The following BTG4 variants were observed in gnomAD, a reference collection of about 807,000 sequenced individuals.
BTG4 encodes the protein protein BTG4.
In BTG4, 10 loss-of-function variants were observed where a neutral mutation model predicts 19.3. The ratio of observed to expected loss-of-function variants is 0.52; its 90% CI spans 0.32 to 0.88. The LOEUF is 0.88. Among genes scored for constraint, BTG4 ranks in the 40% least tolerant of loss-of-function variants. BTG4 has a pLI of 0.04. For synonymous variants in BTG4, 91 were observed against 95.7 expected (o/e 0.95, Z 0.29); for missense variants, 238 against 281.9 (o/e 0.84, Z 1.11).
At chr11:111,441,037 C>T in the BTG4 span, among the ~76,000 whole-genome samples, 2 of 152,044 alleles carry the variant, frequency 1.3e-5, no homozygotes, top group African/African-American at 2.4e-5. Flanking sequence ...CTGGGAGTGG[C>T]AGTCATCTGG....
At chr11:111,513,613 T>A, upstream of BTG4, 1 of 411,458 alleles carries the variant, frequency 2.4e-6, no homozygotes, top group Non-Finnish European at 5.1e-6. Context: ...TATTAATTGC[T>A]CAGCCAAAAG....
the BTG4 span, among the ~76,000 whole-genome samples, chr11:111,445,448 C>T: frequency 6.6e-6 from 1 of 152,162 alleles, no homozygotes; most frequent in Non-Finnish European, 1.5e-5. Context: ...TGTCACACAG[C>T]TCAGTTCCAC....
At chr11:111,500,311 G>C (rs1474790092) in intron 1 of BTG4, among the ~76,000 whole-genome samples, 1 of 152,176 alleles carries the variant, frequency 6.6e-6, no homozygotes, top group Non-Finnish European at 1.5e-5. Context: ...CATACGTTAA[G>C]TCTTTAACGC....
chr11:111,408,202 G>A, the BTG4 span, among the ~76,000 whole-genome samples: 4 of 152,354 alleles, frequency 2.6e-5, no homozygotes, highest in South Asian at 6.2e-4. Context: ...GGCCACACTT[G>A]ATGGGGCAGG....
chr11:111,491,062 T>C (rs1345646245), downstream of BTG4, among the ~76,000 whole-genome samples: 1 of 152,198 alleles, frequency 6.6e-6, no homozygotes, highest in African/African-American at 2.4e-5. Context: ...AAACTACCAA[T>C]ACATGCAGCA....
At chr11:111,458,490 G>A in the BTG4 span, among the ~76,000 whole-genome samples, 1 of 152,090 alleles carries the variant, frequency 6.6e-6, no homozygotes, top group African/African-American at 2.4e-5. Flanking sequence ...TTACTTCATG[G>A]CTCATGAAAC....
At chr11:111,415,495 C>T in the BTG4 span, among the ~76,000 whole-genome samples, 6 of 152,296 alleles carry the variant, frequency 3.9e-5, no homozygotes, top group East Asian at 1.2e-3. Flanking sequence ...GTCCCAGAGA[C>T]CAGGCTAGAG....
the BTG4 span, among the ~76,000 whole-genome samples, chr11:111,448,957 G>A: frequency 2.6e-5 from 4 of 151,828 alleles, no homozygotes; most frequent in South Asian, 2.1e-4. Context: ...AATCTGGCTC[G>A]CCTTCTCCAA....
the BTG4 span, chr11:111,396,754 T>C: frequency 6.6e-6 from 1 of 152,258 alleles, no homozygotes; most frequent in Non-Finnish European, 1.5e-5. Context: ...AATTCCTCAC[T>C]TTTTGATAAT....
chr11:111,423,129 A>G, the BTG4 span, among the ~76,000 whole-genome samples: 3 of 151,998 alleles, frequency 2.0e-5, no homozygotes, highest in Non-Finnish European at 2.9e-5. Context: ...GCCACTCCTA[A>G]GCCTTCCTCA....
chr11:111,509,503 T>G (rs1161275175), intron 1 of BTG4, among the ~76,000 whole-genome samples: 1 of 152,066 alleles, frequency 6.6e-6, no homozygotes, highest in Non-Finnish European at 1.5e-5. Flanking sequence ...GAGACCAGCC[T>G]GGCCAACATA....
intron 4 of BTG4, chr11:111,496,614 A>T (rs1170618698): frequency 6.6e-6 from 1 of 152,254 alleles, no homozygotes; most frequent in Non-Finnish European, 1.5e-5. Context: ...TCTCTAGATC[A>T]GTGTTTTTCA....
chr11:111,507,542 G>C (rs1866542843), intron 1 of BTG4, among the ~76,000 whole-genome samples: 1 of 152,154 alleles, frequency 6.6e-6, no homozygotes, highest in Non-Finnish European at 1.5e-5. Context: ...AAATCTGGTA[G>C]AGCCAGTCCA....
At chr11:111,443,536 T>C in the BTG4 span, among the ~76,000 whole-genome samples, 1 of 152,066 alleles carries the variant, frequency 6.6e-6, no homozygotes, top group African/African-American at 2.4e-5. Flanking sequence ...AAATAAAGTT[T>C]TTCAAAAAAA....
At position 111,494,942 on chromosome 11, in the gene BTG4, A is replaced by G. The variant is rs1865626814; in HGVS notation, c.*193T>C. On this transcript the variant is annotated 3_prime_UTR_variant, in exon 5 of 5. Coordinates refer to ENST00000692032, the MANE Select transcript of BTG4 (RefSeq NM_001367975.1). ...ACTGATGTTACATAAAACTTCATGT[A>G]AAATTAAATAAGAATTAAAAGTACA... 2 of 984,972 alleles carry G rather than the reference A, an allele frequency of 2.0e-6. No homozygotes were observed. Among genetic ancestry groups the G allele is most frequent in the African/African-American group, 3.5e-5 (2 of 57,232 alleles). The allele number at this position is 984,972 out of a possible 1,614,324, so 61.0% of individuals were successfully genotyped here.
chr11:111,442,402 G>A, the BTG4 span, among the ~76,000 whole-genome samples: 6 of 151,942 alleles, frequency 3.9e-5, no homozygotes, highest in South Asian at 6.2e-4. Context: ...TCAGGAGGTC[G>A]AGGCAAGAGA....
chr11:111,406,742 G>A, the BTG4 span, among the ~76,000 whole-genome samples: 8 of 152,186 alleles, frequency 5.3e-5, no homozygotes, highest in Non-Finnish European at 1.5e-5. Flanking sequence ...AGTACATTCT[G>A]CTGATGGCAT....
At chr11:111,503,863 T>C (rs980148058) in intron 1 of BTG4, among the ~76,000 whole-genome samples, 2 of 152,172 alleles carry the variant, frequency 1.3e-5, no homozygotes, top group Non-Finnish European at 2.9e-5. Context: ...AGTTCATCGA[T>C]GAAGGTAAAA....
chr11:111,508,603 G>T, intron 1 of BTG4, among the ~76,000 whole-genome samples: 1 of 151,454 alleles, frequency 6.6e-6, no homozygotes, highest in Admixed American at 6.6e-5. Flanking sequence ...TTGCTTCTAG[G>T]CTCATCTTTT....
Sources: allele counts gnomAD v4.1 joint callset (sites outside exome capture counted in the v4.1 genomes callset), GRCh38; gene constraint gnomAD v4.1.1; transcripts MANE v1.5; gene names NCBI Gene and HGNC (gene_info 2026-07-23, HGNC 2026-07-21).